The following GSK3B variants were observed in gnomAD, a reference collection of about 807,000 sequenced individuals.
GSK3B encodes the protein glycogen synthase kinase-3 beta.
In GSK3B, 15 loss-of-function variants were observed where a neutral mutation model predicts 56.4. The ratio of observed to expected loss-of-function variants is 0.27; its 90% CI spans 0.18 to 0.41. GSK3B has a LOEUF of 0.41. GSK3B is among the 10% of genes least tolerant of loss of function. The pLI, the probability that GSK3B is intolerant of heterozygous loss-of-function variation, is 1.00. For missense variants in GSK3B, 300 were observed against 513.4 expected (o/e 0.58, Z 4.02); for synonymous variants, 181 against 188.9 (o/e 0.96, Z 0.34).
At chr3:119,919,810 C>G (rs1232031567) in intron 4 of GSK3B, among the ~76,000 whole-genome samples, 1 of 151,192 alleles carries the variant, frequency 6.6e-6, no homozygotes, top group Non-Finnish European at 1.5e-5. Flanking sequence ...TAGAATACAG[C>G]CACATGATGA....
chr3:120,025,564 T>C lies in GSK3B; in HGVS notation c.89-23325A>G, dbSNP rs529636347. On this transcript the variant is annotated intron_variant, in intron 1 of 10. Coordinates refer to ENST00000264235, the MANE Select transcript of GSK3B (RefSeq NM_001146156.2). ...GGATAATTATTGTTCCATAAGTAGA[T>C]GCCACACATGAATAGAAAATTTCGT... 4.6e-5 allele frequency among the ~76,000 whole-genome samples: 7 copies of C among 152,298 alleles called. No homozygotes were observed. The South Asian group carries it at 1.4e-3, about 32-fold the overall frequency.
chr3:120,080,360 G>A (rs905163390), intron 1 of GSK3B, among the ~76,000 whole-genome samples: 5 of 149,318 alleles, frequency 3.3e-5, no homozygotes, highest in African/African-American at 1.2e-4. Context: ...GAAGGAAGAA[G>A]GAGAAGACGA....
rs76696069 is a variant in GSK3B at position 119,995,296 on chromosome 3, G to A, written c.282+6750C>T. On this transcript the variant is annotated intron_variant, in intron 2 of 10. Coordinates refer to ENST00000264235, the MANE Select transcript of GSK3B (RefSeq NM_001146156.2). The stretch of plus-strand genomic sequence containing the variant: ...CTGCAGTAGCCGTGACTTTACCACC[G>A]CTCTCCAGCCTGGGTTATACGGCAA... Among the ~76,000 whole-genome samples, 496 of 151,784 alleles carry A rather than the reference G, an allele frequency of 3.3e-3. 13 individuals carry two copies. The East Asian group carries it at 0.078, about 24-fold the overall frequency.
intron 8 of GSK3B, among the ~76,000 whole-genome samples, chr3:119,869,244 A>AAAAAAAC: frequency 6.6e-6 from 1 of 151,144 alleles, no homozygotes; most frequent in Non-Finnish European, 1.5e-5. Flanking sequence ...AAAAAAAAAA[A>AAAAAAAC]AACATATATT....
intron 3 of GSK3B, among the ~76,000 whole-genome samples, chr3:119,928,612 T>TAAAAAAAA (rs1160252679): frequency 2.7e-3 from 182 of 67,004 alleles, no homozygotes; most frequent in East Asian, 6.6e-3. Context: ...ATCAAAAAAA[T>TAAAAAAAA]AAAAAAAAAA....
At chr3:120,048,360 C>T (rs572310228) in intron 1 of GSK3B, among the ~76,000 whole-genome samples, 2 of 152,300 alleles carry the variant, frequency 1.3e-5, no homozygotes, top group South Asian at 4.1e-4. Context: ...AAAAGGAATG[C>T]AAGAACTGTG....
chr3:119,939,211 T>C (rs757471314), intron 3 of GSK3B, among the ~76,000 whole-genome samples: 6 of 152,058 alleles, frequency 3.9e-5, no homozygotes. Flanking sequence ...CAGAAGGTAT[T>C]TGCATTAACA....
chr3:119,900,819 C>A (rs186259690), intron 7 of GSK3B, among the ~76,000 whole-genome samples: 10 of 151,936 alleles, frequency 6.6e-5, no homozygotes, highest in Admixed American at 4.6e-4. Context: ...GTCTACAAAG[C>A]AGTAAGATGG....
intron 2 of GSK3B, among the ~76,000 whole-genome samples, chr3:119,977,890 T>C (rs1375730469): frequency 1.3e-5 from 2 of 152,190 alleles, no homozygotes; most frequent in Non-Finnish European, 1.5e-5. Context: ...AAAACTTTGT[T>C]CCATTTGATT....
At chr3:120,078,370 C>T (rs1336865629) in intron 1 of GSK3B, among the ~76,000 whole-genome samples, 1 of 152,104 alleles carries the variant, frequency 6.6e-6, no homozygotes, top group African/African-American at 2.4e-5. Context: ...CACACAGTGC[C>T]GGAAGACAAT....
chr3:119,901,925 T>C (rs1306068560), intron 7 of GSK3B, among the ~76,000 whole-genome samples: 2 of 152,174 alleles, frequency 1.3e-5, no homozygotes, highest in Admixed American at 1.3e-4. Context: ...AGAAGAGTTA[T>C]CCATTTTTCC....
chr3:119,985,427 T>A (rs1206473652), intron 2 of GSK3B, among the ~76,000 whole-genome samples: 1 of 152,170 alleles, frequency 6.6e-6, no homozygotes, highest in Admixed American at 6.5e-5. Context: ...TGATTGTATA[T>A]TTGGAAAACT....
intron 3 of GSK3B, among the ~76,000 whole-genome samples, chr3:119,924,851 A>G (rs912670912): frequency 1.3e-5 from 2 of 152,204 alleles, no homozygotes; most frequent in African/African-American, 2.4e-5. Context: ...AGAACTGAGT[A>G]ATTGTGACAG....
intron 8 of GSK3B, among the ~76,000 whole-genome samples, chr3:119,865,104 C>T (rs892744447): frequency 1.3e-5 from 2 of 151,980 alleles, no homozygotes; most frequent in Non-Finnish European, 2.9e-5. Context: ...TAATCATATA[C>T]AGAATGTAAA....
intron 1 of GSK3B, among the ~76,000 whole-genome samples, chr3:120,073,152 C>A (rs2058339427): frequency 7.4e-6 from 1 of 135,668 alleles, no homozygotes; most frequent in Non-Finnish European, 1.5e-5. Context: ...TCTGAGAGGA[C>A]AAGGCAGAAG....
chr3:119,988,861 T>C (rs1222834697), intron 2 of GSK3B, among the ~76,000 whole-genome samples: 2 of 152,202 alleles, frequency 1.3e-5, no homozygotes, highest in Non-Finnish European at 2.9e-5. Context: ...AAGCCAAGTA[T>C]AATAAAGCAA....
At chr3:119,918,180 C>T (rs2056800612) in intron 4 of GSK3B, among the ~76,000 whole-genome samples, 1 of 151,920 alleles carries the variant, frequency 6.6e-6, no homozygotes, top group Non-Finnish European at 1.5e-5. Context: ...CATTAAATAG[C>T]TTGGTGGAGG....
intron 1 of GSK3B, among the ~76,000 whole-genome samples, chr3:120,080,931 G>A (rs970880820): frequency 2.0e-5 from 3 of 152,048 alleles, no homozygotes; most frequent in Non-Finnish European, 4.4e-5. Flanking sequence ...TTTAAATACT[G>A]TCTGTTTACT....
intron 1 of GSK3B, among the ~76,000 whole-genome samples, chr3:120,005,985 C>G (rs1345563448): frequency 6.6e-6 from 1 of 152,000 alleles, no homozygotes; most frequent in Non-Finnish European, 1.5e-5. Flanking sequence ...GGCTGGCAAA[C>G]TGGATAAAGA....
Sources: allele counts gnomAD v4.1 joint callset (sites outside exome capture counted in the v4.1 genomes callset), GRCh38; gene constraint gnomAD v4.1.1; transcripts MANE v1.5; gene names NCBI Gene and HGNC (gene_info 2026-07-23, HGNC 2026-07-21).